Variants in THSD7A observed in about 807,000 individuals in gnomAD.
THSD7A encodes thrombospondin type-1 domain-containing protein 7A.
In THSD7A, 96 loss-of-function variants were observed where a neutral mutation model predicts 231.3. The ratio of observed to expected loss-of-function variants is 0.41; its 90% CI spans 0.35 to 0.49. The LOEUF is 0.49. Among genes scored for constraint, THSD7A ranks in the 20% least tolerant of loss-of-function variants. THSD7A has a pLI of 0.05. For synonymous variants in THSD7A, 940 were observed against 743.3 expected (o/e 1.26, Z -4.30); for missense variants, 2,290 against 2,070.2 (o/e 1.11, Z -2.06).
chr7:11,576,289 C>T (rs925429255), intron 4 of THSD7A, among the ~76,000 whole-genome samples: 9 of 152,166 alleles, frequency 5.9e-5, no homozygotes, highest in Admixed American at 1.3e-4. Flanking sequence ...TTCAAAATCA[C>T]ATCATTGAAT....
intron 22 of THSD7A, among the ~76,000 whole-genome samples, chr7:11,404,754 AATTTT>A (rs1783526422): frequency 1.3e-5 from 2 of 151,980 alleles, no homozygotes; most frequent in African/African-American, 4.8e-5. Context: ...TTTATTTTTA[AATTTT>A]ATTTTATTCT....
intron 2 of THSD7A, among the ~76,000 whole-genome samples, chr7:11,618,520 G>C (rs748053831): frequency 2.0e-5 from 3 of 151,972 alleles, no homozygotes; most frequent in Non-Finnish European, 4.4e-5. Context: ...AGAAGAATAG[G>C]GCGGGGCGCG....
chr7:11,567,604 A>C (rs1003699539), intron 4 of THSD7A, among the ~76,000 whole-genome samples: 1 of 152,176 alleles, frequency 6.6e-6, no homozygotes, highest in Non-Finnish European at 1.5e-5. Flanking sequence ...AGAGGGTTTA[A>C]AACTACCGAT....
At chr7:11,578,687 G>A (rs1212694949) in intron 4 of THSD7A, among the ~76,000 whole-genome samples, 1 of 152,170 alleles carries the variant, frequency 6.6e-6, no homozygotes, top group Non-Finnish European at 1.5e-5. Context: ...TTAAGGTCTT[G>A]TAATTTGAAA....
chr7:11,617,446 A>T (rs1781146225), intron 2 of THSD7A, among the ~76,000 whole-genome samples: 1 of 152,136 alleles, frequency 6.6e-6, no homozygotes, highest in Admixed American at 6.6e-5. Flanking sequence ...TGATTCATTC[A>T]TTCACTCTTT....
rs1781751096 is a variant in THSD7A at position 11,634,099 on chromosome 7, A to T, written c.1022+2031T>A. Among the ~76,000 whole-genome samples the T allele has an allele frequency of 6.6e-6, 1 of 152,118 alleles. No individual in the cohort carries two copies. On this transcript the variant is annotated intron_variant, in intron 2 of 27. Transcript: ENST00000423059. This position sits in a 1 kb window ranked among gnomAD's most constrained non-coding sequence, Gnocchi z 4.1. ...TGATTTTTATCTCTTCTTCTCTAGG[A>T]CTTTCTTGATCACACATGATAATTC...
chr7:11,387,554 A>AT (rs1391482155), intron 23 of THSD7A, among the ~76,000 whole-genome samples: 1 of 152,138 alleles, frequency 6.6e-6, no homozygotes, highest in East Asian at 1.9e-4. Context: ...TTGCACATTG[A>AT]TTTTGTATCC....
chr7:11,593,266 A>G lies in THSD7A; in HGVS notation c.1259T>C (p.Val420Ala), dbSNP rs1370368059. The stretch of plus-strand genomic sequence containing the variant: ...TTTATTTACTCACGTGGCACAGGGG[A>G]CAACTCCATCTCCTTGAGACAAACA... ...EPCLSQGDGV[V>A]PCATYGWRTT... The change falls in exon 3 of 28, where the codon GTC becomes GCC. Residue 420 changes from valine (V) to alanine (A), a missense_variant. Physicochemically the swap from Val to Ala is moderately conservative, Grantham distance 64. Transcript: ENST00000423059. The G allele has an allele frequency of 6.2e-6, 10 of 1,613,914 alleles. No homozygotes were observed. Among genetic ancestry groups the G allele is most frequent in the South Asian group, 1.1e-5 (1 of 91,082 alleles).
At chr7:11,706,394 T>C (rs1489079238) in intron 1 of THSD7A, among the ~76,000 whole-genome samples, 2 of 150,882 alleles carry the variant, frequency 1.3e-5, no homozygotes, top group Admixed American at 1.3e-4. Flanking sequence ...AAAAACATGA[T>C]GAGTCTTAAG....
At chr7:11,534,453 T>G (rs1004043310) in intron 6 of THSD7A, among the ~76,000 whole-genome samples, 1 of 152,172 alleles carries the variant, frequency 6.6e-6, no homozygotes, top group Admixed American at 6.5e-5. Context: ...TGAGAGTCCA[T>G]GTACCAATGG....
chr7:11,423,988 T>C (rs1055476638), intron 16 of THSD7A, among the ~76,000 whole-genome samples: 1 of 152,114 alleles, frequency 6.6e-6, no homozygotes, highest in Non-Finnish European at 1.5e-5. Context: ...GGGATAGACA[T>C]GAAGAGGGGT....
intron 6 of THSD7A, among the ~76,000 whole-genome samples, chr7:11,502,091 T>C (rs1787361071): frequency 6.6e-6 from 1 of 152,028 alleles, no homozygotes; most frequent in Non-Finnish European, 1.5e-5. Context: ...AAAAAATTGA[T>C]TCCTTGAAAA....
intron 6 of THSD7A, among the ~76,000 whole-genome samples, chr7:11,499,000 C>T (rs1388651581): frequency 1.3e-5 from 2 of 152,170 alleles, no homozygotes; most frequent in African/African-American, 2.4e-5. Context: ...CAAGCCAGTA[C>T]CAACTCAGCA....
intron 1 of THSD7A, among the ~76,000 whole-genome samples, chr7:11,693,006 G>A (rs1282058316): frequency 6.6e-6 from 1 of 151,212 alleles, no homozygotes; most frequent in Non-Finnish European, 1.5e-5. Context: ...TTGTTTGTTT[G>A]TTTGTTTTAG....
At chr7:11,776,665 T>C (rs1037166290) in intron 1 of THSD7A, among the ~76,000 whole-genome samples, 3 of 152,202 alleles carry the variant, frequency 2.0e-5, no homozygotes, top group Admixed American at 6.5e-5. Flanking sequence ...TTATGAAATT[T>C]GCAAAAATTA....
chr7:11,812,720 A>G (rs1391604633), intron 1 of THSD7A, among the ~76,000 whole-genome samples: 1 of 152,156 alleles, frequency 6.6e-6, no homozygotes, highest in Non-Finnish European at 1.5e-5. Flanking sequence ...ACTGGAGAGT[A>G]TTTTCCCTGA....
At chr7:11,830,813 C>G (rs868162147) in intron 1 of THSD7A, among the ~76,000 whole-genome samples, 25 of 152,170 alleles carry the variant, frequency 1.6e-4, no homozygotes, top group African/African-American at 5.1e-4. Context: ...ACATACTTTC[C>G]CTTTCAACTA....
In THSD7A at chr7:11,593,492, G is replaced by C; in HGVS notation, c.1033C>G (p.Gln345Glu). ...GKAADLSFCQ[Q>E]EKLPMTFQSC... ...TGGAAGGTCATTGGAAGCTTCTCTT[G>C]CTGGCAAAAGCTGTAAAAGAGCATT... Residue 345 changes from glutamine (Q) to glutamate (E), a missense_variant, in exon 3 of 28, where the codon CAA becomes GAA. Transcript: ENST00000423059. The C allele has an allele frequency of 6.2e-7, 1 of 1,613,816 alleles. No homozygotes were observed. The highest frequency in any genetic ancestry group is 8.5e-7 in the Non-Finnish European group (1 of 1,179,748).
chr7:11,407,484 G>A (rs1783626211), intron 19 of THSD7A, 61 bp from the exon 20 acceptor site: 1 of 1,247,036 alleles, frequency 8.0e-7, no homozygotes, highest in Non-Finnish European at 1.1e-6. Context: ...GCCAGAGAAT[G>A]AGGTGACAAG....
Sources: allele counts gnomAD v4.1 joint callset (sites outside exome capture counted in the v4.1 genomes callset), GRCh38; gene constraint gnomAD v4.1.1; non-coding constraint Gnocchi (gnomAD v3.1); transcripts MANE v1.5; gene names NCBI Gene and HGNC (gene_info 2026-07-23, HGNC 2026-07-21).